Variants in CTHRC1 observed in about 807,000 individuals in gnomAD.
CTHRC1 encodes the protein collagen triple helix repeat containing 1.
In CTHRC1, 21 loss-of-function variants were observed where a neutral mutation model predicts 25.9. The observed-to-expected ratio is 0.81, with a 90% CI of 0.57 to 1.17. The LOEUF (loss-of-function observed/expected upper bound fraction) is 1.17. Among genes scored for constraint, CTHRC1 ranks in the 50% most tolerant of loss-of-function variants. CTHRC1 has a pLI of 0.00. For synonymous variants in CTHRC1, 109 were observed against 113.1 expected (o/e 0.96, Z 0.23); for missense variants, 281 against 304.3 (o/e 0.92, Z 0.57).
chr8:103,377,970 C>A, intron 2 of CTHRC1, 57 bp from the exon 3 acceptor site: 1 of 1,391,784 alleles, frequency 7.2e-7, no homozygotes, highest in Non-Finnish European at 1.0e-6. Context: ...GTCTCAAAAG[C>A]TCTTTTTAAT....
chr8:103,381,997 C>CA (rs768929764), intron 3 of CTHRC1, among the ~76,000 whole-genome samples: 1,217 of 121,408 alleles, frequency 0.01, 8 homozygotes, highest in African/African-American at 0.02. Flanking sequence ...GATTCCATCT[C>CA]AAAAAAAAAA....
chr8:103,372,707 G>C (rs1388951350), intron 1 of CTHRC1: 1 of 1,507,376 alleles, frequency 6.6e-7, no homozygotes, highest in Admixed American at 1.7e-5. Flanking sequence ...AAACCCAGTG[G>C]AGGGCGGAGA....
chr8:103,381,749 A>C (rs975737163), intron 3 of CTHRC1, among the ~76,000 whole-genome samples: 13 of 152,182 alleles, frequency 8.5e-5, no homozygotes, highest in African/African-American at 2.9e-4. Flanking sequence ...CTGTAATCCC[A>C]GCACTTTGGG....
At chr8:103,372,686 T>C in intron 1 of CTHRC1, 6 of 1,588,208 alleles carry the variant, frequency 3.8e-6, no homozygotes, top group Non-Finnish European at 5.1e-6. Context: ...TCCTTCCCTC[T>C]AAAAATCAAC....
At chr8:103,379,242 A>G (rs1462614601) in intron 3 of CTHRC1, among the ~76,000 whole-genome samples, 2 of 152,006 alleles carry the variant, frequency 1.3e-5, no homozygotes, top group Admixed American at 1.3e-4. Flanking sequence ...GTACTTATGT[A>G]TTTGTTTATT....
At chr8:103,382,192 A>T (rs999603482) in intron 3 of CTHRC1, among the ~76,000 whole-genome samples, 2 of 152,162 alleles carry the variant, frequency 1.3e-5, no homozygotes, top group Non-Finnish European at 2.9e-5. Context: ...TAAGTATACA[A>T]ATTCTGGTTT....
rs1319064889 is a variant in CTHRC1 at position 103,382,811 on chromosome 8, T to C, written c.*211T>C. ...GGTTTCAATATTTTTTTTAGTTGGT[T>C]AGAATACTTTCTTCATAGTCACATT... On this transcript the variant is annotated 3_prime_UTR_variant, in exon 4 of 4. Transcript: ENST00000330295. 1 of 539,910 alleles carries C rather than the reference T, an allele frequency of 1.9e-6. No homozygotes were observed. Among genetic ancestry groups the C allele is most frequent in the Non-Finnish European group, 3.3e-6 (1 of 301,072 alleles). 33.4% of individuals were successfully genotyped at this position (539,910 alleles called of 1,614,324 possible).
At chr8:103,380,330 G>T (rs1440980271) in intron 3 of CTHRC1, among the ~76,000 whole-genome samples, 1 of 152,150 alleles carries the variant, frequency 6.6e-6, no homozygotes, top group Non-Finnish European at 1.5e-5. Context: ...AAACTCATTT[G>T]GTGTGATCAG....
At chr8:103,379,098 G>A (rs1478450119) in intron 3 of CTHRC1, among the ~76,000 whole-genome samples, 1 of 152,128 alleles carries the variant, frequency 6.6e-6, no homozygotes, top group African/African-American at 2.4e-5. Context: ...CCTTTAAAAG[G>A]GTGGATACTG....
chr8:103,376,296 C>A (rs1244458700), intron 2 of CTHRC1, among the ~76,000 whole-genome samples: 1 of 152,146 alleles, frequency 6.6e-6, no homozygotes, highest in African/African-American at 2.4e-5. Context: ...CTAAGAAATT[C>A]TGTCCTGGCT....
intron 2 of CTHRC1, chr8:103,377,137 A>G (rs1308172308): frequency 1.3e-5 from 2 of 152,238 alleles, no homozygotes; most frequent in East Asian, 3.8e-4. Flanking sequence ...AGACAGACAA[A>G]TTTGCATAGA....
intron 2 of CTHRC1, 147 bp from the exon 3 acceptor site, chr8:103,377,880 A>G (rs1426916999): frequency 1.3e-5 from 9 of 716,102 alleles, no homozygotes; most frequent in Non-Finnish European, 2.2e-5. Flanking sequence ...CTGGGATTAC[A>G]GGTATGAGCC....
intron 1 of CTHRC1, among the ~76,000 whole-genome samples, chr8:103,375,459 G>T (rs1328543320): frequency 6.6e-6 from 1 of 152,136 alleles, no homozygotes; most frequent in Non-Finnish European, 1.5e-5. Context: ...AATTGTGTAT[G>T]CCTATAATGA....
At chr8:103,377,918 A>T in intron 2 of CTHRC1, 109 bp from the exon 3 acceptor site, 1 of 1,005,432 alleles carries the variant, frequency 9.9e-7, no homozygotes, top group Non-Finnish European at 1.6e-6. Context: ...TAAACTTTTT[A>T]AATACATTTT....
At chr8:103,381,287 G>A (rs545935914) in intron 3 of CTHRC1, among the ~76,000 whole-genome samples, 6 of 99,604 alleles carry the variant, frequency 6.0e-5, no homozygotes, top group South Asian at 7.5e-4. Flanking sequence ...GATGTTCCCC[G>A]CCCTGTGTCC....
chr8:103,375,765 G>A lies in CTHRC1; in HGVS notation c.178G>A (p.Ala60Thr), dbSNP rs1586552286. The A allele has an allele frequency of 4.3e-6, 7 of 1,614,072 alleles. No individual in the cohort carries two copies. The highest frequency in any genetic ancestry group is 2.2e-5 in the South Asian group (2 of 91,074). ...TAATGGAATGTGCTTACAAGGGCCAGCAGGAGTGCCTGGTCGAGACGGGAG... is the reference window on the plus strand; with the variant it reads ...TAATGGAATGTGCTTACAAGGGCCAACAGGAGTGCCTGGTCGAGACGGGAG... ...LYNGMCLQGPAGVPGRDGSPG... is the reference protein window; with the variant it reads ...LYNGMCLQGPTGVPGRDGSPG... Residue 60 changes from alanine to threonine, a missense_variant, in exon 2 of 4, where the codon GCA (alanine) becomes ACA (threonine). Transcript: ENST00000330295.
intron 2 of CTHRC1, among the ~76,000 whole-genome samples, chr8:103,376,443 G>C (rs573013803): frequency 6.7e-4 from 102 of 152,312 alleles, no homozygotes; most frequent in Non-Finnish European, 5.1e-4. Flanking sequence ...AAATGGGTTA[G>C]ATGTGAGGTA....
chr8:103,381,727 G>A (rs1815914243), intron 3 of CTHRC1, among the ~76,000 whole-genome samples: 5 of 152,094 alleles, frequency 3.3e-5, no homozygotes, highest in African/African-American at 1.2e-4. Flanking sequence ...GGCTGGGCAC[G>A]GTGGCTCATG....
At chr8:103,381,294 GTCCAAGTGT>G (rs1815906166) in intron 3 of CTHRC1, among the ~76,000 whole-genome samples, 2 of 145,258 alleles carry the variant, frequency 1.4e-5, no homozygotes, top group African/African-American at 2.6e-5. Flanking sequence ...CCCGCCCTGT[GTCCAAGTGT>G]TCTCATTGTT....
Sources: allele counts gnomAD v4.1 joint callset (sites outside exome capture counted in the v4.1 genomes callset), GRCh38; gene constraint gnomAD v4.1.1; transcripts MANE v1.5; gene names NCBI Gene and HGNC (gene_info 2026-07-23, HGNC 2026-07-21).